Variants in KIF18B observed in about 807,000 individuals in gnomAD.
KIF18B encodes the protein kinesin family member 18B, also known as kinesin-like protein KIF18B.
A neutral mutation model predicts 80.9 loss-of-function variants in KIF18B; 49 were observed. That is an observed-to-expected ratio of 0.61 (90% CI 0.48 to 0.77). The LOEUF (loss-of-function observed/expected upper bound fraction) is 0.77. Among genes scored for constraint, KIF18B ranks in the 30% least tolerant of loss-of-function variants. The probability of loss-of-function intolerance (pLI) is 0.00; values close to 1 mark genes in which losing one functional copy is unlikely to be tolerated. For missense variants in KIF18B, 994 were observed against 1,127.7 expected (o/e 0.88, Z 1.70); for synonymous variants, 439 against 463.9 (o/e 0.95, Z 0.69).
chr17:44,925,577 T>A lies in KIF18B; in HGVS notation c.*503A>T. The A allele has an allele frequency of 1.1e-5, 2 of 184,854 alleles. No individual in the cohort carries two copies. Among genetic ancestry groups the A allele is most frequent in the South Asian group, 2.1e-4 (2 of 9,398 alleles). 11.5% of individuals were successfully genotyped at this position (184,854 alleles called of 1,614,324 possible). A position where few individuals can be genotyped will look rare whatever the true frequency, so the allele number is the denominator to read the frequency against. On this transcript the variant is annotated 3_prime_UTR_variant, in exon 16 of 16. Coordinates refer to ENST00000593135, the MANE Select transcript of KIF18B (RefSeq NM_001265577.2). ...AGGCGGATCACCTGAGGTCAGGAGTTCAAGACCAGCCTGGCCAACATGGAA... is the reference window on the plus strand; with the variant it reads ...AGGCGGATCACCTGAGGTCAGGAGTACAAGACCAGCCTGGCCAACATGGAA...
At chr17:44,935,952 T>C in intron 2 of KIF18B, 80 bp downstream of exon 2, 1 of 1,342,596 alleles carries the variant, frequency 7.4e-7, no homozygotes, top group Non-Finnish European at 1.0e-6. Context: ...GGCGGGCACA[T>C]GCCAGAAGAC....
chr17:44,934,687 C>G lies in KIF18B; in HGVS notation c.577-70G>C, dbSNP rs953270084. 5.1e-6 allele frequency: 7 copies of G among 1,375,362 alleles called. No individual in the cohort carries two copies. The highest frequency in any genetic ancestry group is 2.3e-5 in the Admixed American group (1 of 43,448). 85.2% of individuals were successfully genotyped at this position (1,375,362 alleles called of 1,614,324 possible). A position where few individuals can be genotyped will look rare whatever the true frequency, so the allele number is the denominator to read the frequency against. Reference sequence around the variant, plus strand: ...AGGACTTTTCCCCTAACAGGAAGGGCTGCTCTTCAGAATCTACATCACCCC... The same window carrying G: ...AGGACTTTTCCCCTAACAGGAAGGGGTGCTCTTCAGAATCTACATCACCCC... On this transcript the variant is annotated intron_variant, in intron 4 of 15. Transcript: ENST00000593135. The surrounding 1 kb of genome is among the most constrained non-coding windows in gnomAD (Gnocchi z 5.4).
At chr17:44,931,452 G>A (rs1277216871) in intron 11 of KIF18B, 150 bp downstream of exon 11, 6 of 1,014,368 alleles carry the variant, frequency 5.9e-6, no homozygotes, top group South Asian at 5.6e-5. Flanking sequence ...AGTAGGTGAC[G>A]ATAACAACAA....
intron 2 of KIF18B, 141 bp downstream of exon 2, chr17:44,935,891 T>C (rs1014358213): frequency 1.5e-5 from 11 of 729,018 alleles, no homozygotes; most frequent in African/African-American, 1.1e-4. Flanking sequence ...CCACAGAGCA[T>C]GATGGGACAT....
In KIF18B at chr17:44,928,370, C is replaced by T. The variant is rs1295206626; in HGVS notation, c.1932G>A (p.Lys644=). Residue 644 remains lysine (K), a synonymous_variant, in exon 13 of 16, where the codon AAG becomes AAA. Coordinates refer to ENST00000593135, the MANE Select transcript of KIF18B (RefSeq NM_001265577.2). ...ACTGGCGCTGGCGCTTGGTGCCCCG[C>T]TTTGGGGCCATGGGACTGTCTGCCT... The part of the protein sequence containing the change: ...ALEADSPMAP[K]RGTKRQRQSF... 6.3e-7 allele frequency: 1 copy of T among 1,589,808 alleles called. No individual in the cohort carries two copies.
intron 1 of KIF18B, among the ~76,000 whole-genome samples, chr17:44,944,920 C>T (rs749606676): frequency 2.0e-5 from 3 of 152,102 alleles, no homozygotes; most frequent in African/African-American, 2.4e-5. Flanking sequence ...TATTTTTGCT[C>T]CTAAGGTCTT....
In KIF18B at chr17:44,936,069, G is replaced by A. The variant is rs531450616; in HGVS notation, c.276C>T (p.Ser92=). Residue 92 remains serine (S), a synonymous_variant, in exon 2 of 16, where the codon AGC becomes AGT. Coordinates refer to ENST00000593135, the MANE Select transcript of KIF18B (RefSeq NM_001265577.2). ...AGCCCTGGAGGAAGCTGTCCAGGAC[G>A]CTGTGCGTGGTGTGCTGGAACACGT... is the stretch of plus-strand genomic sequence containing the variant. ...QQDVFQHTTH[S]VLDSFLQGYN... is the part of the protein sequence containing the mutation. 27 of 1,613,780 alleles carry A rather than the reference G, an allele frequency of 1.7e-5. No individual in the cohort carries two copies. The African/African-American group carries it at 2.8e-4, about 17-fold the overall frequency.
rs2052075702 is a variant in KIF18B, at chr17:44,928,386, C to T, written c.1916G>A (p.Ser639Asn). The T allele has an allele frequency of 1.3e-6, 2 of 1,574,352 alleles. No individual in the cohort carries two copies. Among genetic ancestry groups the T allele is most frequent in the Non-Finnish European group, 1.7e-6 (2 of 1,162,566 alleles). The change falls in exon 13 of 16, where the codon AGT becomes AAT. Residue 639 changes from serine to asparagine, a missense_variant. Physicochemically the swap from Ser to Asn is conservative, Grantham distance 46. Coordinates refer to ENST00000593135, the MANE Select transcript of KIF18B (RefSeq NM_001265577.2). ...RRRPSALEAD[S>N]PMAPKRGTKR... is the part of the protein sequence containing the mutation. Reference sequence around the variant, plus strand: ...GGTGCCCCGCTTTGGGGCCATGGGACTGTCTGCCTCCAAGGCGCTTGGTCT... The same window carrying T: ...GGTGCCCCGCTTTGGGGCCATGGGATTGTCTGCCTCCAAGGCGCTTGGTCT...
At chr17:44,945,235 T>A (rs1401288529) in intron 1 of KIF18B, among the ~76,000 whole-genome samples, 1 of 152,170 alleles carries the variant, frequency 6.6e-6, no homozygotes, top group African/African-American at 2.4e-5. Flanking sequence ...CAATTTTAAA[T>A]TTTTTTATAG....
At chr17:44,932,306 G>A in intron 9 of KIF18B, 100 bp from the exon 10 acceptor site, 1 of 1,391,850 alleles carries the variant, frequency 7.2e-7, no homozygotes, top group Non-Finnish European at 9.6e-7. Context: ...GGGAGCGGGT[G>A]GGATCTCTGT....
intron 1 of KIF18B, among the ~76,000 whole-genome samples, chr17:44,936,620 ATATATTTTTTTTTTTTTTT>A (rs2052313862): frequency 1.7e-5 from 1 of 60,156 alleles, no homozygotes; most frequent in African/African-American, 7.6e-5. Flanking sequence ...ATATATATAT[ATATATTTTTTTTTTTTTTT>A]TTTTTTTTTT....
At position 44,936,277 on chromosome 17, in the gene KIF18B, T is replaced by C; in HGVS notation, c.68A>G (p.Asp23Gly). The change falls in exon 2 of 16, where the codon GAC becomes GGC. Residue 23 changes from aspartate (D) to glycine (G), a missense_variant. By Grantham distance (94) the Asp-to-Gly change is moderately conservative (BLOSUM62 -1). Coordinates refer to ENST00000593135, the MANE Select transcript of KIF18B (RefSeq NM_001265577.2). ...CTGAACCACTGGCCGCCGCTGACTG[T>C]CCAGCTCCCGAGGGGTGGGGGGCCG... ...RVRPPTPRELDSQRRPVVQVV... is the reference protein window; with the variant it reads ...RVRPPTPRELGSQRRPVVQVV... The C allele has an allele frequency of 6.2e-7, 1 of 1,611,086 alleles. No homozygotes were observed. The highest frequency in any genetic ancestry group is 2.2e-5 in the East Asian group (1 of 44,824).
rs774141356 is a variant in KIF18B at position 44,932,901 on chromosome 17, G to A, written c.1137+11C>T. 3.1e-6 allele frequency: 5 copies of A among 1,598,766 alleles called. No individual in the cohort carries two copies. The highest frequency in any genetic ancestry group is 2.2e-5 in the East Asian group (1 of 44,454). On this transcript the variant is annotated intron_variant, in intron 8 of 15. Coordinates refer to ENST00000593135, the MANE Select transcript of KIF18B (RefSeq NM_001265577.2). Reference sequence around the variant, plus strand: ...CGGCCCTCCAGCCTGCCCCCAAGGCGGGCTCCTCACCTCAGCCTGGAGCTG... The same window carrying A: ...CGGCCCTCCAGCCTGCCCCCAAGGCAGGCTCCTCACCTCAGCCTGGAGCTG...
At chr17:44,933,828 G>A in intron 7 of KIF18B, 95 bp downstream of exon 7, 1 of 1,204,836 alleles carries the variant, frequency 8.3e-7, no homozygotes, top group Non-Finnish European at 1.1e-6. Flanking sequence ...GGGGACACTT[G>A]GCCCAGGGAT....
At chr17:44,935,533 C>T (rs1257630715) in intron 2 of KIF18B, 117 bp from the exon 3 acceptor site, 3 of 1,052,380 alleles carry the variant, frequency 2.9e-6, no homozygotes, top group Admixed American at 2.6e-5. Context: ...ATTAATCCCA[C>T]TAATCACACC....
Position 44,936,059 on chromosome 17 carries a change from T to C in KIF18B, c.286A>G (p.Ser96Gly). The change falls in exon 2 of 16, where the codon AGC (serine) becomes GGC (glycine). Residue 96 changes from serine to glycine, a missense_variant. By Grantham distance (56) the Ser-to-Gly change is moderately conservative. Coordinates refer to ENST00000593135, the MANE Select transcript of KIF18B (RefSeq NM_001265577.2). ...FQHTTHSVLD[S>G]FLQGYNCSVF... Reference sequence around the variant, plus strand: ...GAGCAGTTGTAGCCCTGGAGGAAGCTGTCCAGGACGCTGTGCGTGGTGTGC... The same window carrying C: ...GAGCAGTTGTAGCCCTGGAGGAAGCCGTCCAGGACGCTGTGCGTGGTGTGC... 6.2e-7 allele frequency: 1 copy of C among 1,613,750 alleles called. No homozygotes were observed. Among genetic ancestry groups the C allele is most frequent in the South Asian group, 1.1e-5 (1 of 91,086 alleles).
At chr17:44,926,542 C>T (rs750551514) in intron 14 of KIF18B, 43 bp from the exon 15 acceptor site, 1 of 1,519,212 alleles carries the variant, frequency 6.6e-7, no homozygotes, top group Non-Finnish European at 8.8e-7. Flanking sequence ...ACGGCCCTGT[C>T]TCTGGACTAT....
At position 44,934,995 on chromosome 17, in the gene KIF18B, T is replaced by A; in HGVS notation, c.472-60A>T. 1 of 1,250,878 alleles carries A rather than the reference T, an allele frequency of 8.0e-7. No individual in the cohort carries two copies. The highest frequency in any genetic ancestry group is 1.1e-6 in the Non-Finnish European group (1 of 892,418). 77.5% of individuals were successfully genotyped at this position (1,250,878 alleles called of 1,614,324 possible). A position where few individuals can be genotyped will look rare whatever the true frequency, so the allele number is the denominator to read the frequency against. ...AGCGGCCCATCAGGAAACCTCTCCC[T>A]AGCGGCTGGACAGGGGAGCTGAGGC... On this transcript the variant is annotated intron_variant, in intron 3 of 15. Transcript: ENST00000593135. This position sits in a 1 kb window ranked among gnomAD's most constrained non-coding sequence, Gnocchi z 5.4.
chr17:44,932,542 T>C, intron 9 of KIF18B, 131 bp downstream of exon 9: 1 of 670,528 alleles, frequency 1.5e-6, no homozygotes, highest in Non-Finnish European at 2.6e-6. Context: ...AGGCACTGGG[T>C]GCAAACCCTT....
Sources: allele counts gnomAD v4.1 joint callset (sites outside exome capture counted in the v4.1 genomes callset), GRCh38; gene constraint gnomAD v4.1.1; non-coding constraint Gnocchi (gnomAD v3.1); transcripts MANE v1.5; gene names NCBI Gene and HGNC (gene_info 2026-07-23, HGNC 2026-07-21).